MYH3: variants seen among roughly 807,000 people sequenced by gnomAD.
MYH3 encodes myosin heavy chain 3.
A neutral mutation model predicts 238.0 loss-of-function variants in MYH3; 130 were observed. The observed-to-expected ratio is 0.55, with a 90% CI of 0.47 to 0.63. The LOEUF is 0.63. Among genes scored for constraint, MYH3 ranks in the 30% least tolerant of loss-of-function variants. MYH3 has a pLI of 0.00. For missense variants in MYH3, 1,853 were observed against 2,374.9 expected, an observed-to-expected ratio of 0.78 and a Z score of 4.57; for synonymous variants, 880 against 924.1, an observed-to-expected ratio of 0.95 and a Z score of 0.86.
the MYH3 span, among the ~76,000 whole-genome samples, chr17:10,671,041 C>G: frequency 5.0e-3 from 763 of 152,242 alleles, 9 homozygotes; most frequent in African/African-American, 0.017. Context: ...CAGGCACGCA[C>G]CACCACGCCC....
chr17:10,660,284 C>A (rs894123839), upstream of MYH3, among the ~76,000 whole-genome samples: 22 of 152,208 alleles, frequency 1.4e-4, no homozygotes, highest in Non-Finnish European at 3.2e-4. Context: ...GATTATGGCA[C>A]AGTGTGACTG....
the MYH3 span, among the ~76,000 whole-genome samples, chr17:10,668,652 C>A: frequency 1.3e-5 from 2 of 152,146 alleles, no homozygotes; most frequent in Admixed American, 1.3e-4. Context: ...GTGTAAATAG[C>A]GTTACAGTTA....
chr17:10,641,098 C>T lies in MYH3; in HGVS notation c.2152G>A (p.Asp718Asn), dbSNP rs756833381. The T allele has an allele frequency of 2.5e-6, 4 of 1,606,556 alleles. No individual in the cohort carries two copies. The highest frequency in any genetic ancestry group is 2.2e-5 in the East Asian group (1 of 44,860). ...TTTATTACACACCTTTGTTTAAAATCGCCATAGAGAATCCTGTTTGGGAAC... is the reference window on the plus strand; with the variant it reads ...TTTATTACACACCTTTGTTTAAAATTGCCATAGAGAATCCTGTTTGGGAAC... ...KGFPNRILYG[D>N]FKQRYRVLNA... The change falls in exon 19 of 41, where the codon GAT becomes AAT. Residue 718 changes from aspartate to asparagine, a missense_variant. Asp to Asn is a conservative substitution (Grantham distance 23). Transcript: ENST00000583535.
chr17:10,629,564 TG>T lies in MYH3; in HGVS notation c.5796+32del, dbSNP rs147333978. The T allele has an allele frequency of 3.9e-3, 6,229 of 1,580,332 alleles. 173 individuals carry two copies. In the African/African-American group the frequency reaches 0.071, roughly 18 times the overall value. On this transcript the variant is annotated intron_variant, in intron 40 of 40. Coordinates refer to ENST00000583535, the MANE Select transcript of MYH3 (RefSeq NM_002470.4). ...CCAGCTAAGAAGTTTCTACAGTCCC[TG>T]GGGGGGGGCTCCTCCCAGCTCAGCG...
At position 10,639,439 on chromosome 17, in the gene MYH3, A is replaced by G. The variant is rs770393769; in HGVS notation, c.2961T>C (p.Asp987=). The G allele has an allele frequency of 1.2e-6, 2 of 1,613,990 alleles. No individual in the cohort carries two copies. The highest frequency in any genetic ancestry group is 1.7e-5 in the Admixed American group (1 of 59,988). Residue 987 remains aspartate (D), a synonymous_variant, in exon 24 of 41, where the codon GAT becomes GAC. Coordinates refer to ENST00000583535, the MANE Select transcript of MYH3 (RefSeq NM_002470.4). The stretch of plus-strand genomic sequence containing the variant: ...CTCTGGTTAACTTTGCAATTGTTTC[A>G]TCTAACCCAGAGAGTTCCTCAGTAA... ...KNLTEELSGL[D]ETIAKLTREK... is the part of the protein sequence containing the mutation.
intron 28 of MYH3, among the ~76,000 whole-genome samples, chr17:10,637,177 A>G (rs972025438): frequency 6.6e-6 from 1 of 151,546 alleles, no homozygotes; most frequent in African/African-American, 2.4e-5. Flanking sequence ...CTCCTGCCTC[A>G]GCCTCCCAAG....
chr17:10,631,981 G>T lies in MYH3; in HGVS notation c.4992C>A (p.Gly1664=), dbSNP rs1375601754. 47 of 1,613,664 alleles carry T rather than the reference G, an allele frequency of 2.9e-5. No homozygotes were observed. Among genetic ancestry groups the T allele is most frequent in the Non-Finnish European group, 3.9e-5 (46 of 1,180,054 alleles). The change falls in exon 35 of 41, where the codon GGC becomes GGA. Residue 1664 remains glycine (G), a synonymous_variant. Coordinates refer to ENST00000583535, the MANE Select transcript of MYH3 (RefSeq NM_002470.4). ...CCAGCTGCTCCTTCAGGTCCTCCTG[G>T]CCCCGGAGGGCATCATCCAGGTGGA... ...TQLHLDDALR[G]QEDLKEQLAI... is the part of the protein sequence containing the mutation.
At chr17:10,675,826 G>C in the MYH3 span, 1 of 152,168 alleles carries the variant, frequency 6.6e-6, no homozygotes, top group Non-Finnish European at 1.5e-5. Flanking sequence ...TTAAGAATGG[G>C]AAGAGAGGCT....
intron 8 of MYH3, among the ~76,000 whole-genome samples, chr17:10,647,675 G>C (rs1454286642): frequency 6.6e-6 from 1 of 152,188 alleles, no homozygotes; most frequent in African/African-American, 2.4e-5. Context: ...CTCCTGAGTA[G>C]CTGGGACTAC....
At chr17:10,646,624 G>A (rs1874926721) in intron 10 of MYH3, among the ~76,000 whole-genome samples, 1 of 152,188 alleles carries the variant, frequency 6.6e-6, no homozygotes, top group South Asian at 2.1e-4. Flanking sequence ...GGACAGTTAG[G>A]TGTTCAGTTG....
At chr17:10,670,901 GT>G in the MYH3 span, among the ~76,000 whole-genome samples, 4 of 151,896 alleles carry the variant, frequency 2.6e-5, no homozygotes, top group Non-Finnish European at 5.9e-5. This position sits in a 1 kb window ranked among gnomAD's most constrained non-coding sequence, Gnocchi z 7.0. Context: ...TTGTCTGCTT[GT>G]TTTTTGAGAT....
intron 20 of MYH3, 26 bp from the exon 21 acceptor site, chr17:10,640,495 G>A (rs1278012157): frequency 3.1e-6 from 5 of 1,614,240 alleles, no homozygotes; most frequent in South Asian, 2.2e-5. Flanking sequence ...GGTGACATGA[G>A]TCAGTTTCCT....
chr17:10,633,893 T>C (rs1342715589), intron 32 of MYH3, 124 bp downstream of exon 32: 1 of 1,466,014 alleles, frequency 6.8e-7, no homozygotes. Flanking sequence ...GGTGAACACT[T>C]TCTGCATGTG....
chr17:10,638,935 T>C lies in MYH3; in HGVS notation c.3277A>G (p.Ser1093Gly). 2 of 1,614,198 alleles carry C rather than the reference T, an allele frequency of 1.2e-6. No homozygotes were observed. Among genetic ancestry groups the C allele is most frequent in the Non-Finnish European group, 1.7e-6 (2 of 1,180,034 alleles). ...AGTGTCTGCTCATCTTCCACTTTGC[T>C]TTGAAGTTGACAATATTCAAAATCT... ...KKDFEYCQLQ[S>G]KVEDEQTLGL... is the part of the protein sequence containing the mutation. The change falls in exon 26 of 41, where the codon AGC becomes GGC. Residue 1093 changes from serine (S) to glycine (G), a missense_variant. Transcript: ENST00000583535.
At chr17:10,671,701 T>G in the MYH3 span, among the ~76,000 whole-genome samples, 486 of 149,690 alleles carry the variant, frequency 3.2e-3, no homozygotes, top group African/African-American at 0.011. Flanking sequence ...TGCCTCAGCC[T>G]CCTGAGTAGC....
At chr17:10,676,949 T>A in the MYH3 span, 5 of 152,250 alleles carry the variant, frequency 3.3e-5, no homozygotes, top group Non-Finnish European at 5.9e-5. Flanking sequence ...TTGAATCTTG[T>A]TAATGAATAG....
the MYH3 span, among the ~76,000 whole-genome samples, chr17:10,665,118 C>T: frequency 6.6e-6 from 1 of 151,058 alleles, no homozygotes; most frequent in African/African-American, 2.4e-5. Flanking sequence ...AAGCCATAAC[C>T]TTTATTTATT....
At position 10,654,338 on chromosome 17, in the gene MYH3, A is replaced by AC. The variant is rs543207914; in HGVS notation, c.204+522dup. 1.8e-4 allele frequency among the ~76,000 whole-genome samples: 28 copies of AC among 152,064 alleles called. 1 individual carries two copies. In the East Asian group the frequency reaches 4.9e-3, roughly 26 times the overall value. ...AGTGAGCTCCAGAATTCCTCGCAGC[A>AC]CCCCCACAGTGGCTTGGGCCAGAAT... On this transcript the variant is annotated intron_variant, in intron 3 of 40. Coordinates refer to ENST00000583535, the MANE Select transcript of MYH3 (RefSeq NM_002470.4). This position sits in a 1 kb window ranked among gnomAD's most constrained non-coding sequence, Gnocchi z 4.5.
At position 10,633,530 on chromosome 17, in the gene MYH3, C is replaced by A. The variant is rs567526319; in HGVS notation, c.4647+61G>T. The stretch of plus-strand genomic sequence containing the variant: ...TGGAGACACAGCATGGAGCAGCCAG[C>A]CTCCCTGGCCGTGGCTCACCATGGC... On this transcript the variant is annotated intron_variant, in intron 33 of 40. Transcript: ENST00000583535. 3 of 1,604,984 alleles carry A rather than the reference C, an allele frequency of 1.9e-6. No homozygotes were observed. The South Asian group carries it at 3.3e-5, about 18-fold the overall frequency.
Sources: gnomAD v4.1 joint callset for allele counts (sites outside exome capture counted in the v4.1 genomes callset) on GRCh38, gnomAD v4.1.1 for gene constraint, Gnocchi (gnomAD v3.1) non-coding constraint, MANE v1.5 for transcripts, NCBI Gene and HGNC (gene_info 2026-07-23, HGNC 2026-07-21) for gene names.